TPCN2: variants seen among roughly 807,000 people sequenced by gnomAD.
TPCN2 encodes two pore channel protein 2.
In TPCN2, 92 loss-of-function variants were observed where a neutral mutation model predicts 111.4. The observed-to-expected ratio is 0.83, with a 90% CI of 0.70 to 0.98. The LOEUF (loss-of-function observed/expected upper bound fraction) is 0.98. Among genes scored for constraint, TPCN2 ranks in the 50% least tolerant of loss-of-function variants. The pLI, the probability that TPCN2 is intolerant of heterozygous loss-of-function variation, is 0.00. For synonymous variants in TPCN2, 405 were observed against 414.5 expected (o/e 0.98, Z 0.28); for missense variants, 995 against 980.1 (o/e 1.02, Z -0.20).
intron 17 of TPCN2, among the ~76,000 whole-genome samples, 172 bp from the exon 18 acceptor site, chr11:69,081,228 G>A (rs180713983): frequency 1.4e-4 from 21 of 152,094 alleles, no homozygotes; most frequent in African/African-American, 4.3e-4. Flanking sequence ...CCCAGGCCCC[G>A]CCCTCTCGCC....
chr11:69,080,009 G>A, intron 17 of TPCN2, 126 bp downstream of exon 17: 1 of 818,824 alleles, frequency 1.2e-6, no homozygotes, highest in South Asian at 1.7e-5. Flanking sequence ...CCCCGTGATG[G>A]TGGAATGGGT....
rs912658140 is a variant in TPCN2 at position 69,063,858 on chromosome 11, C to T, written c.654-37C>T. On this transcript the variant is annotated intron_variant, in intron 6 of 24. Transcript: ENST00000294309. ...CAGGTCAGGTGTCCCTGCCTGCCCG[C>T]CGCCTGGCCCAGGCTGAGTGCCGTG... 10 of 1,608,192 alleles carry T rather than the reference C, an allele frequency of 6.2e-6. No individual in the cohort carries two copies. In the Middle Eastern group the frequency reaches 6.7e-4, roughly 107 times the overall value.
At chr11:69,052,605 G>A (rs534714578) in intron 1 of TPCN2, among the ~76,000 whole-genome samples, 36 of 152,224 alleles carry the variant, frequency 2.4e-4, no homozygotes, top group African/African-American at 8.2e-4. Flanking sequence ...CAGAGTGAGG[G>A]TGGGGTCCGG....
rs1447898591 is a variant in TPCN2, at chr11:69,081,426, C to T, written c.1616C>T (p.Ser539Leu). The T allele has an allele frequency of 1.7e-5, 26 of 1,561,948 alleles. No individual in the cohort carries two copies. Among genetic ancestry groups the T allele is most frequent in the East Asian group, 2.4e-5 (1 of 42,270 alleles). ...GWRPEMVGLLSLWDMTRMLNM... is the reference protein window; with the variant it reads ...GWRPEMVGLLLLWDMTRMLNM... ...AGGCCGGAGATGGTGGGCCTGCTGT[C>T]GCTGTGGGACATGACCCGCATGCTG... Residue 539 changes from serine (S) to leucine (L), a missense_variant, in exon 18 of 25, where the codon TCG becomes TTG. Transcript: ENST00000294309.
intron 5 of TPCN2, among the ~76,000 whole-genome samples, chr11:69,061,008 A>C (rs11823020): frequency 0.013 from 1,916 of 152,208 alleles, 41 homozygotes; most frequent in African/African-American, 0.043. Flanking sequence ...AGCGCTGGGG[A>C]TCAGTCACTT....
chr11:69,072,612 G>C lies in TPCN2; in HGVS notation c.1062-15G>C, dbSNP rs377201100. ...AGCTGGCTGTGCTCACCGGGCTGTG[G>C]GTTTTTCCCTGCAGAGTTGGGGTGA... On this transcript the variant is annotated splice_polypyrimidine_tract_variant and intron_variant, in intron 11 of 24. Coordinates refer to ENST00000294309, the MANE Select transcript of TPCN2 (RefSeq NM_139075.4). 6.2e-7 allele frequency: 1 copy of C among 1,613,738 alleles called. No homozygotes were observed. The highest frequency in any genetic ancestry group is 8.5e-7 in the Non-Finnish European group (1 of 1,179,892).
In TPCN2 at chr11:69,053,247, C is replaced by A. The variant is rs544847468; in HGVS notation, c.110-786C>A. 3.3e-5 allele frequency among the ~76,000 whole-genome samples: 5 copies of A among 152,328 alleles called. No individual in the cohort carries two copies. The South Asian group carries it at 1.0e-3, about 32-fold the overall frequency. ...ACCCTGCTTGTGCTGTTGGTAAAGG[C>A]GGGCGGCCACCCTTCACCACAGAAG... On this transcript the variant is annotated intron_variant, in intron 1 of 24. Coordinates refer to ENST00000294309, the MANE Select transcript of TPCN2 (RefSeq NM_139075.4).
At chr11:69,053,431 A>G (rs758271975) in intron 1 of TPCN2, among the ~76,000 whole-genome samples, 1 of 151,318 alleles carries the variant, frequency 6.6e-6, no homozygotes, top group Non-Finnish European at 1.5e-5. Context: ...TCTAGATGCC[A>G]GTTCTCCCTG....
At chr11:69,054,487 C>T (rs1854652815) in intron 2 of TPCN2, 1 of 577,964 alleles carries the variant, frequency 1.7e-6, no homozygotes, top group Non-Finnish European at 3.1e-6. Context: ...AGTGTTTGCT[C>T]ACGCACCCAC....
At chr11:69,069,433 G>A (rs375247440) in intron 8 of TPCN2, among the ~76,000 whole-genome samples, 5 of 27,914 alleles carry the variant, frequency 1.8e-4, no homozygotes, top group African/African-American at 3.8e-4. Flanking sequence ...AGTGACCGCA[G>A]TGGGAGCAGG....
rs934580332 is a variant in TPCN2 at position 69,054,402 on chromosome 11, G to T, written c.174+305G>T. 7.1e-6 allele frequency: 4 copies of T among 565,596 alleles called. No individual in the cohort carries two copies. In the Admixed American group the frequency reaches 1.2e-4, roughly 17 times the overall value. 35.0% of individuals were successfully genotyped at this position (565,596 alleles called of 1,614,324 possible). A position where few individuals can be genotyped will look rare whatever the true frequency, so the allele number is the denominator to read the frequency against. On this transcript the variant is annotated intron_variant, in intron 2 of 24. Transcript: ENST00000294309. ...ACACAGCTGCACGGGGCGTGGGAGG[G>T]TCAGCCTTGCACAGAGAAGAGAGAG...
At chr11:69,061,461 G>T (rs896978) in intron 5 of TPCN2, among the ~76,000 whole-genome samples, 1 of 152,100 alleles carries the variant, frequency 6.6e-6, no homozygotes, top group Non-Finnish European at 1.5e-5. Flanking sequence ...AGTGGAGAGC[G>T]TGGATTTGAG....
rs528060968 is a variant in TPCN2 at position 69,053,377 on chromosome 11, G to T, written c.110-656G>T. The stretch of plus-strand genomic sequence containing the variant: ...ATGGACCGGGACAGTGAGGGAATGG[G>T]ACCTTGGTAGCACTCATGAAGCCTC... On this transcript the variant is annotated intron_variant, in intron 1 of 24. Transcript: ENST00000294309. Among the ~76,000 whole-genome samples the T allele has an allele frequency of 2.6e-5, 4 of 152,300 alleles. No homozygotes were observed. In the East Asian group the frequency reaches 7.7e-4, roughly 29 times the overall value.
At chr11:69,049,811 G>A (rs1861139872) in intron 1 of TPCN2, among the ~76,000 whole-genome samples, 1 of 152,160 alleles carries the variant, frequency 6.6e-6, no homozygotes, top group African/African-American at 2.4e-5. Flanking sequence ...CGAGGGTGGG[G>A]TGCGTCCGCC....
intron 1 of TPCN2, among the ~76,000 whole-genome samples, chr11:69,051,099 G>A (rs764087318): frequency 6.6e-6 from 1 of 152,250 alleles, no homozygotes; most frequent in Non-Finnish European, 1.5e-5. Flanking sequence ...AAGGCCCTGT[G>A]CTCTGGTTTG....
rs147476406 is a variant in TPCN2 at position 69,085,921 on chromosome 11, A to G, written c.1994A>G (p.Tyr665Cys). The G allele has an allele frequency of 6.2e-4, 993 of 1,613,908 alleles. 6 individuals carry two copies. The African/African-American group carries it at 0.012, about 19-fold the overall frequency. ...GTGTTTCTGGATGCATATCGGCGCT[A>G]CTCAGGCCCGTGAGTCCTCGTCTCC... is the stretch of plus-strand genomic sequence containing the variant. Reference protein sequence around the residue: ...WQVFLDAYRRYSGPWSKIYFV... With the variant: ...WQVFLDAYRRCSGPWSKIYFV... The change falls in exon 22 of 25, where the codon TAC (tyrosine) becomes TGC (cysteine). Residue 665 changes from tyrosine (Y) to cysteine (C), a missense_variant. Physicochemically the swap from Tyr to Cys is radical, Grantham distance 194 (BLOSUM62 -2). Transcript: ENST00000294309.
rs778119558 is a variant in TPCN2 at position 69,054,725 on chromosome 11, G to A, written c.179G>A (p.Arg60His). Residue 60 changes from arginine (R) to histidine (H), a missense_variant, in exon 3 of 25, where the codon CGC becomes CAC. Arg to His is a conservative substitution (Grantham distance 29). Coordinates refer to ENST00000294309, the MANE Select transcript of TPCN2 (RefSeq NM_139075.4). ...VVFIEDAIQY[R>H]SINHRVDASS... ...CATGTGACTTTTCGCTTGTAGTACCGCTCCATCAACCACCGGGTGGATGCC... is the reference window on the plus strand; with the variant it reads ...CATGTGACTTTTCGCTTGTAGTACCACTCCATCAACCACCGGGTGGATGCC... 8.1e-6 allele frequency: 13 copies of A among 1,613,998 alleles called. No homozygotes were observed. Among genetic ancestry groups the A allele is most frequent in the Admixed American group, 3.3e-5 (2 of 59,996 alleles).
intron 22 of TPCN2, 45 bp downstream of exon 22, chr11:69,085,975 G>A: frequency 6.3e-7 from 1 of 1,579,768 alleles, no homozygotes. Flanking sequence ...CGTGCAGCCT[G>A]GGGGTTCCCT....
Position 69,079,828 on chromosome 11 carries a change from T to C in TPCN2, c.1540-6T>C. The C allele has an allele frequency of 1.2e-6, 2 of 1,613,444 alleles. No homozygotes were observed. Among genetic ancestry groups the C allele is most frequent in the African/African-American group, 2.7e-5 (2 of 75,050 alleles). On this transcript the variant is annotated splice_region_variant and splice_polypyrimidine_tract_variant and intron_variant, in intron 16 of 24. Transcript: ENST00000294309. ...AGCGAAGCCTTCTTTTCTTTTGTAA[T>C]TAAAGGTTTTGGAGATCTCAACTCT... is the stretch of plus-strand genomic sequence containing the variant.
Sources: allele counts gnomAD v4.1 joint callset (sites outside exome capture counted in the v4.1 genomes callset), GRCh38; gene constraint gnomAD v4.1.1; transcripts MANE v1.5; gene names NCBI Gene and HGNC (gene_info 2026-07-23, HGNC 2026-07-21).